CDKAL1: variants seen among roughly 807,000 people sequenced by gnomAD.
CDKAL1 encodes the protein threonylcarbamoyladenosine tRNA methylthiotransferase.
A neutral mutation model predicts 68.2 loss-of-function variants in CDKAL1; 32 were observed. The observed-to-expected ratio is 0.47, with a 90% CI of 0.35 to 0.63. The LOEUF (loss-of-function observed/expected upper bound fraction) is 0.63, where lower values mean the gene tolerates loss of function less well. Ranked by LOEUF, CDKAL1 falls within the 30% of genes least tolerant of loss-of-function variation. The pLI, the probability that CDKAL1 is intolerant of heterozygous loss-of-function variation, is 0.00. For missense variants in CDKAL1, 606 were observed against 696.7 expected, an observed-to-expected ratio of 0.87 and a Z score of 1.47; for synonymous variants, 234 against 244.3, an observed-to-expected ratio of 0.96 and a Z score of 0.39.
intron 4 of CDKAL1, among the ~76,000 whole-genome samples, chr6:20,591,604 C>T (rs1476888898): frequency 6.6e-6 from 1 of 152,110 alleles, no homozygotes; most frequent in East Asian, 1.9e-4. Context: ...AACTAGTTTT[C>T]CCGACACCAT....
intron 9 of CDKAL1, among the ~76,000 whole-genome samples, chr6:20,848,773 G>GT (rs1332346628): frequency 6.7e-6 from 1 of 149,376 alleles, no homozygotes; most frequent in Non-Finnish European, 1.5e-5. Flanking sequence ...AAATGTGGTT[G>GT]TTTTTTTCTT....
rs570520284 is a variant in CDKAL1, at chr6:20,676,227, G to T, written c.371+26850G>T. On this transcript the variant is annotated intron_variant, in intron 5 of 15. Transcript: ENST00000274695. Reference sequence around the variant, plus strand: ...ATATATAATTTTTAATAATTTTAGTGTAGTCTAAATGTACAGTGTTTATTG... The same window carrying T: ...ATATATAATTTTTAATAATTTTAGTTTAGTCTAAATGTACAGTGTTTATTG... 3.1e-4 allele frequency among the ~76,000 whole-genome samples: 47 copies of T among 152,190 alleles called. 2 individuals carry two copies. Among genetic ancestry groups the T allele is most frequent in the Middle Eastern group, 3.4e-3 (1 of 294 alleles).
chr6:21,120,710 G>A (rs558390668), intron 13 of CDKAL1, among the ~76,000 whole-genome samples: 4 of 152,238 alleles, frequency 2.6e-5, no homozygotes, highest in Non-Finnish European at 5.9e-5. Context: ...ATACTAGAAA[G>A]TCTTCTGTTT....
At chr6:20,568,892 C>T (rs1023410547) in intron 4 of CDKAL1, among the ~76,000 whole-genome samples, 1 of 152,108 alleles carries the variant, frequency 6.6e-6, no homozygotes, top group African/African-American at 2.4e-5. Context: ...GTCTTTATTT[C>T]TTCTTGTAGC....
Position 20,736,771 on chromosome 6 carries a change from C to CA in CDKAL1, c.372-2734dup, listed in dbSNP as rs776775631. Reference sequence around the variant, plus strand: ...TGGGCCACAGAGCGAGACTCTGCCTCAAAAAAAAAAAAAATTTCCTCCACA... The same window carrying CA: ...TGGGCCACAGAGCGAGACTCTGCCTCAAAAAAAAAAAAAAATTTCCTCCACA... On this transcript the variant is annotated intron_variant, in intron 5 of 15. Transcript: ENST00000274695. 3.1e-3 allele frequency among the ~76,000 whole-genome samples: 432 copies of CA among 139,940 alleles called. 3 individuals carry two copies. The highest frequency in any genetic ancestry group is 7.7e-3 in the Middle Eastern group (2 of 260). 91.8% of individuals were successfully genotyped at this position (139,940 alleles called of 152,430 possible).
intron 4 of CDKAL1, among the ~76,000 whole-genome samples, chr6:20,638,783 G>A (rs572576216): frequency 1.5e-4 from 22 of 151,582 alleles, no homozygotes; most frequent in African/African-American, 4.8e-4. Flanking sequence ...ACAAACACGC[G>A]CCACCATGCC....
intron 13 of CDKAL1, among the ~76,000 whole-genome samples, chr6:21,151,488 TGAG>T (rs1414651230): frequency 1.3e-5 from 2 of 152,348 alleles, no homozygotes; most frequent in African/African-American, 4.8e-5. Flanking sequence ...CATTGAACCT[TGAG>T]GAGAAGCAAT....
At chr6:21,126,299 C>T (rs992751141) in intron 13 of CDKAL1, among the ~76,000 whole-genome samples, 5 of 152,156 alleles carry the variant, frequency 3.3e-5, no homozygotes, top group South Asian at 2.1e-4. Flanking sequence ...TATAATGGAG[C>T]GATGCCCCCT....
rs1277857912 is a variant in CDKAL1, at chr6:20,998,404, GA to G, written c.910-1822del. On this transcript the variant is annotated intron_variant, in intron 10 of 15. Coordinates refer to ENST00000274695, the MANE Select transcript of CDKAL1 (RefSeq NM_017774.3). ...AGGCAGGCGGATCACCTGAGGTCGGGAGTTCAAGACCAGCCTGACCAACATG... is the reference window on the plus strand; with the variant it reads ...AGGCAGGCGGATCACCTGAGGTCGGGGTTCAAGACCAGCCTGACCAACATG... 4.6e-5 allele frequency among the ~76,000 whole-genome samples: 7 copies of G among 152,190 alleles called. No homozygotes were observed. In the South Asian group the frequency reaches 1.2e-3, roughly 27 times the overall value.
chr6:20,871,709 A>G (rs1345091273), intron 9 of CDKAL1, among the ~76,000 whole-genome samples: 1 of 152,170 alleles, frequency 6.6e-6, no homozygotes, highest in Non-Finnish European at 1.5e-5. Flanking sequence ...TACCTCTCTC[A>G]GCCCCCTTCT....
chr6:21,031,761 A>G (rs1024310237), intron 11 of CDKAL1, among the ~76,000 whole-genome samples: 4 of 152,034 alleles, frequency 2.6e-5, no homozygotes, highest in African/African-American at 4.8e-5. Context: ...TAGCCCCATA[A>G]CAAACCCAGT....
chr6:21,213,289 C>T (rs1483308550), intron 15 of CDKAL1, among the ~76,000 whole-genome samples: 2 of 152,082 alleles, frequency 1.3e-5, no homozygotes, highest in African/African-American at 2.4e-5. Flanking sequence ...CTGCCTGACA[C>T]GTAGAAGTGA....
chr6:21,169,855 C>T (rs761545216), intron 13 of CDKAL1, among the ~76,000 whole-genome samples: 5 of 152,106 alleles, frequency 3.3e-5, no homozygotes, highest in Non-Finnish European at 7.4e-5. Flanking sequence ...TGCAGAAGAA[C>T]TCCCTTTTGT....
chr6:20,664,589 G>T (rs1188038791), intron 5 of CDKAL1, among the ~76,000 whole-genome samples: 1 of 152,122 alleles, frequency 6.6e-6, no homozygotes, highest in Non-Finnish European at 1.5e-5. Context: ...TAGTATTTCA[G>T]TCATCCATGG....
intron 11 of CDKAL1, among the ~76,000 whole-genome samples, chr6:21,027,211 T>G (rs1344767156): frequency 6.6e-6 from 1 of 152,190 alleles, no homozygotes; most frequent in Admixed American, 6.6e-5. Flanking sequence ...ATCAGTCTAT[T>G]TTCCTTTTCA....
At chr6:20,838,806 C>T (rs891174806) in intron 8 of CDKAL1, among the ~76,000 whole-genome samples, 4 of 151,998 alleles carry the variant, frequency 2.6e-5, no homozygotes, top group South Asian at 2.1e-4. Context: ...AACCCCGTCT[C>T]TATTAAAAAT....
At chr6:21,151,427 T>C (rs1776405651) in intron 13 of CDKAL1, among the ~76,000 whole-genome samples, 1 of 152,252 alleles carries the variant, frequency 6.6e-6, no homozygotes. Context: ...CTATTCTGTC[T>C]ACCTAAGAAA....
intron 8 of CDKAL1, among the ~76,000 whole-genome samples, chr6:20,812,587 A>G (rs762402473): frequency 1.3e-5 from 2 of 152,174 alleles, no homozygotes; most frequent in Non-Finnish European, 2.9e-5. Flanking sequence ...CTGTCAGTAT[A>G]GATTAGCTTG....
intron 12 of CDKAL1, among the ~76,000 whole-genome samples, chr6:21,066,076 T>C (rs1771423552): frequency 6.6e-6 from 1 of 152,046 alleles, no homozygotes; most frequent in South Asian, 2.1e-4. Context: ...TGAATAAATA[T>C]GCAAAGAAAT....
Sources: gnomAD v4.1 joint callset for allele counts (sites outside exome capture counted in the v4.1 genomes callset) on GRCh38, gnomAD v4.1.1 for gene constraint, MANE v1.5 for transcripts, NCBI Gene and HGNC (gene_info 2026-07-23, HGNC 2026-07-21) for gene names.